The following TMEM266 variants were observed in gnomAD, a reference collection of about 807,000 sequenced individuals.
TMEM266 encodes the protein transmembrane protein 266.
Under a neutral mutation model 50.5 loss-of-function variants are expected in TMEM266, and 33 were observed. The ratio of observed to expected loss-of-function variants is 0.65; its 90% CI spans 0.50 to 0.87. The LOEUF (loss-of-function observed/expected upper bound fraction) is 0.87, where lower values mean the gene tolerates loss of function less well. Among genes scored for constraint, TMEM266 ranks in the 40% least tolerant of loss-of-function variants. The pLI is 0.00. For missense variants in TMEM266, 655 were observed against 695.1 expected, an observed-to-expected ratio of 0.94 and a Z score of 0.65; for synonymous variants, 310 against 292.3, an observed-to-expected ratio of 1.06 and a Z score of -0.62.
chr15:76,133,741 G>T (rs191441131), intron 1 of TMEM266, among the ~76,000 whole-genome samples: 1 of 152,290 alleles, frequency 6.6e-6, no homozygotes, highest in Admixed American at 6.5e-5. Context: ...TGAAAAGACA[G>T]AACTACTGGA....
At chr15:76,133,176 G>A (rs926671046) in intron 1 of TMEM266, among the ~76,000 whole-genome samples, 8 of 152,080 alleles carry the variant, frequency 5.3e-5, no homozygotes, top group Non-Finnish European at 8.8e-5. Flanking sequence ...GCTCACGCCT[G>A]TAATCCCAGC....
chr15:76,196,885 G>A (rs749178128), intron 9 of TMEM266, among the ~76,000 whole-genome samples: 47 of 152,220 alleles, frequency 3.1e-4, no homozygotes, highest in Non-Finnish European at 6.0e-4. Flanking sequence ...AGGCTTTGGG[G>A]CCTGCCAAGT....
At chr15:76,191,771 G>A (rs889628785) in intron 8 of TMEM266, 197 bp from the exon 9 acceptor site, 1 of 535,072 alleles carries the variant, frequency 1.9e-6, no homozygotes, top group South Asian at 2.6e-5. Flanking sequence ...CGCACAGGTT[G>A]GAAAAGGCTC....
At chr15:76,177,463 C>T (rs1409903269) in intron 8 of TMEM266, among the ~76,000 whole-genome samples, 1 of 152,244 alleles carries the variant, frequency 6.6e-6, no homozygotes, top group Non-Finnish European at 1.5e-5. Flanking sequence ...TGGGAAATGT[C>T]CCCACAGGAA....
chr15:76,149,176 T>C (rs1473218060), intron 3 of TMEM266, among the ~76,000 whole-genome samples: 1 of 152,200 alleles, frequency 6.6e-6, no homozygotes, highest in Admixed American at 6.5e-5. Flanking sequence ...TGTAAAAGGG[T>C]GTCCCTGTAG....
chr15:76,147,731 C>T lies in TMEM266; in HGVS notation c.228-8873C>T, dbSNP rs183331245. 7.4e-4 allele frequency among the ~76,000 whole-genome samples: 113 copies of T among 152,342 alleles called. 1 individual carries two copies. The highest frequency in any genetic ancestry group is 2.6e-3 in the African/African-American group (109 of 41,586). On this transcript the variant is annotated intron_variant, in intron 3 of 10. Coordinates refer to ENST00000388942, the MANE Select transcript of TMEM266 (RefSeq NM_152335.3). ...GGGTCCAGGAACCCCAGAGAAGTTT[C>T]CTAAAGAAATCAATTAAGTCTGGTT...
chr15:76,065,857 T>C (rs1356454083), intron 1 of TMEM266, among the ~76,000 whole-genome samples: 1 of 152,166 alleles, frequency 6.6e-6, no homozygotes, highest in African/African-American at 2.4e-5. Flanking sequence ...CCCTCCCCAG[T>C]GTGCGTCCAC....
Position 76,161,951 on chromosome 15 carries a change from C to G in TMEM266, c.456+1783C>G, listed in dbSNP as rs967822742. Reference sequence around the variant, plus strand: ...TTGCTGCGGTTCTTCCCCTCTATCCCTCTGCTTTAGTTTTATTGGCTTTTG... The same window carrying G: ...TTGCTGCGGTTCTTCCCCTCTATCCGTCTGCTTTAGTTTTATTGGCTTTTG... On this transcript the variant is annotated intron_variant, in intron 5 of 10. Coordinates refer to ENST00000388942, the MANE Select transcript of TMEM266 (RefSeq NM_152335.3). The surrounding 1 kb of genome is among the most constrained non-coding windows in gnomAD (Gnocchi z 4.1). Among the ~76,000 whole-genome samples the G allele has an allele frequency of 3.9e-5, 6 of 152,374 alleles. No homozygotes were observed. Among genetic ancestry groups the G allele is most frequent in the African/African-American group, 1.4e-4 (6 of 41,588 alleles).
At chr15:76,084,354 G>A (rs898198884) in intron 1 of TMEM266, among the ~76,000 whole-genome samples, 1 of 152,046 alleles carries the variant, frequency 6.6e-6, no homozygotes, top group Non-Finnish European at 1.5e-5. Context: ...AGGATGAGTA[G>A]GCGTTAGCTC....
rs979241979 is a variant in TMEM266 at position 76,175,467 on chromosome 15, G to C, written c.653-92G>C. 4 of 964,526 alleles carry C rather than the reference G, an allele frequency of 4.1e-6. No homozygotes were observed. In the African/African-American group the frequency reaches 4.8e-5, roughly 12 times the overall value. The allele number at this position is 964,526 out of a possible 1,614,324, so 59.7% of individuals were successfully genotyped here. A position where few individuals can be genotyped will look rare whatever the true frequency, so the allele number is the denominator to read the frequency against. On this transcript the variant is annotated intron_variant, in intron 7 of 10. Transcript: ENST00000388942. ...ATCCACAGAAATGGCCCAGGGCCTC[G>C]AACCTGCTGCTGCCTGAATGCTGGG... is the stretch of plus-strand genomic sequence containing the variant.
At chr15:76,202,325 G>C in intron 10 of TMEM266, 61 bp downstream of exon 10, 1 of 1,479,628 alleles carries the variant, frequency 6.8e-7, no homozygotes. Flanking sequence ...TAAACCCAGA[G>C]ACAACTCGGC....
In TMEM266 at chr15:76,143,876, GTCTC is replaced by G. The variant is rs376164292; in HGVS notation, c.227+5993_227+5996del. On this transcript the variant is annotated intron_variant, in intron 3 of 10. Transcript: ENST00000388942. ...ATTCAAAGTCGTGTCTCTAGCCTAG[GTCTC>G]TCTCTCTCTCTAACACTCCCGACTT... 1.1e-4 allele frequency among the ~76,000 whole-genome samples: 16 copies of G among 151,382 alleles called. 1 individual carries two copies. Among genetic ancestry groups the G allele is most frequent in the East Asian group, 3.9e-4 (2 of 5,158 alleles).
chr15:76,130,233 AAAAAAAAAAAAAAAAAAAAAAC>A (rs1335534924), intron 1 of TMEM266, among the ~76,000 whole-genome samples: 2 of 128,548 alleles, frequency 1.6e-5, no homozygotes, highest in Non-Finnish European at 1.6e-5. Flanking sequence ...AAAAAAAAAA[AAAAAAAAAAAAAAAAAAAAAAC>A]CGCCGGGTGC....
intron 7 of TMEM266, among the ~76,000 whole-genome samples, chr15:76,173,506 G>C (rs2142062686): frequency 6.6e-6 from 1 of 152,302 alleles, no homozygotes; most frequent in East Asian, 1.9e-4. Flanking sequence ...CTGGCTGGTG[G>C]AGCACAGGGC....
At chr15:76,192,298 A>G in intron 9 of TMEM266, 141 bp downstream of exon 9, 1 of 794,874 alleles carries the variant, frequency 1.3e-6, no homozygotes, top group Non-Finnish European at 1.8e-6. Context: ...ATTGGGGGAC[A>G]CGCTCAGATC....
At chr15:76,064,841 G>T (rs183033455) in intron 1 of TMEM266, among the ~76,000 whole-genome samples, 1 of 152,218 alleles carries the variant, frequency 6.6e-6, no homozygotes, top group Non-Finnish European at 1.5e-5. Flanking sequence ...CGTAATGCAT[G>T]CAATGCTTCA....
intron 4 of TMEM266, among the ~76,000 whole-genome samples, chr15:76,157,056 G>A (rs2037938906): frequency 6.6e-6 from 1 of 152,092 alleles, no homozygotes; most frequent in South Asian, 2.1e-4. Context: ...GGGGACCCCT[G>A]TATGCATTTT....
intron 1 of TMEM266, among the ~76,000 whole-genome samples, chr15:76,091,271 G>A (rs1005771974): frequency 2.6e-5 from 4 of 152,102 alleles, no homozygotes; most frequent in African/African-American, 9.7e-5. Context: ...ACTTGAGGGT[G>A]TACTCCAGCA....
At position 76,203,982 on chromosome 15, in the gene TMEM266, GCCCGGCCCTTCTCCCCCGCCGCTGCCAT is replaced by G. The variant is rs761571492; in HGVS notation, c.1267_1294del (p.Gly423SerfsTer51). On this transcript the variant is annotated frameshift_variant, in exon 11 of 11. Transcript: ENST00000388942. LOFTEE classifies it high-confidence loss of function. Reference sequence around the variant, plus strand: ...CTGCCCGCGAGGAGCCGTCCTCTGAGCCCGGCCCTTCTCCCCCGCCGCTGCCATCCCAGCAGCAGGTGGAGGAGGCCAC... The same window carrying G: ...CTGCCCGCGAGGAGCCGTCCTCTGAGCCCAGCAGCAGGTGGAGGAGGCCAC... 5 of 1,609,144 alleles carry G rather than the reference GCCCGGCCCTTCTCCCCCGCCGCTGCCAT, an allele frequency of 3.1e-6. No homozygotes were observed. Among genetic ancestry groups the G allele is most frequent in the Non-Finnish European group, 4.3e-6 (5 of 1,176,432 alleles).
Sources: gnomAD v4.1 joint callset for allele counts (sites outside exome capture counted in the v4.1 genomes callset) on GRCh38, gnomAD v4.1.1 for gene constraint, Gnocchi (gnomAD v3.1) non-coding constraint, MANE v1.5 for transcripts, NCBI Gene and HGNC (gene_info 2026-07-23, HGNC 2026-07-21) for gene names.